The following QSOX2 variants were observed in gnomAD, a reference collection of about 807,000 sequenced individuals.
The protein encoded by QSOX2 is sulfhydryl oxidase 2.
In QSOX2, 46 loss-of-function variants were observed where a neutral mutation model predicts 61.7. That is an observed-to-expected ratio of 0.75 (90% CI 0.59 to 0.95). The LOEUF is 0.95. Among genes scored for constraint, QSOX2 ranks in the 40% least tolerant of loss-of-function variants. The pLI is 0.00. For missense variants in QSOX2, 879 were observed against 918.9 expected (o/e 0.96, Z 0.56); for synonymous variants, 383 against 388.4 (o/e 0.99, Z 0.16).
intron 1 of QSOX2, among the ~76,000 whole-genome samples, chr9:136,242,936 T>C (rs1208548223): frequency 6.6e-6 from 1 of 152,194 alleles, no homozygotes; most frequent in Non-Finnish European, 1.5e-5. Flanking sequence ...AACCCCCTCT[T>C]GGCCAAGGAG....
chr9:136,211,391 A>G lies in QSOX2; in HGVS notation c.1422T>C (p.Phe474=), dbSNP rs756275035. The change falls in exon 11 of 12, where the codon TTT becomes TTC. Residue 474 remains phenylalanine, a synonymous_variant. Coordinates refer to ENST00000358701, the MANE Select transcript of QSOX2 (RefSeq NM_181701.4). ...AGTGCTCACCACATTCCTTACACCCAAAGAAGGTGTGAACGTACCTCCTCA... is the reference window on the plus strand; with the variant it reads ...AGTGCTCACCACATTCCTTACACCCGAAGAAGGTGTGAACGTACCTCCTCA... ...QTMRRYVHTF[F]GCKECGEHFE... is the part of the protein sequence containing the mutation. 27 of 1,614,066 alleles carry G rather than the reference A, an allele frequency of 1.7e-5. No homozygotes were observed. The highest frequency in any genetic ancestry group is 2.2e-5 in the Non-Finnish European group (26 of 1,180,032).
chr9:136,230,580 C>T (rs1028164087), intron 1 of QSOX2, among the ~76,000 whole-genome samples: 6 of 152,234 alleles, frequency 3.9e-5, no homozygotes, highest in African/African-American at 7.2e-5. Flanking sequence ...ATCCTTATCA[C>T]GTCGGGCCAC....
intron 1 of QSOX2, among the ~76,000 whole-genome samples, chr9:136,236,856 G>A (rs1308732502): frequency 6.7e-6 from 1 of 148,314 alleles, no homozygotes; most frequent in East Asian, 2.0e-4. Flanking sequence ...CCTGGAGCCT[G>A]TCTTGTGCCA....
chr9:136,212,005 C>T (rs1055328183), intron 10 of QSOX2, among the ~76,000 whole-genome samples: 6 of 152,234 alleles, frequency 3.9e-5, no homozygotes, highest in African/African-American at 1.4e-4. Flanking sequence ...CTTAAGCTGC[C>T]GCCAGCCACG....
At chr9:136,212,626 A>C (rs1831860688) in intron 10 of QSOX2, among the ~76,000 whole-genome samples, 2 of 152,080 alleles carry the variant, frequency 1.3e-5, no homozygotes, top group South Asian at 4.2e-4. Flanking sequence ...TGGCCCTGTG[A>C]CCCGGCCCGT....
intron 8 of QSOX2, among the ~76,000 whole-genome samples, chr9:136,218,116 T>A (rs1432722315): frequency 3.3e-5 from 5 of 152,252 alleles, no homozygotes; most frequent in African/African-American, 1.2e-4. Context: ...CTCTTCAGCC[T>A]GACCCTGGGC....
intron 7 of QSOX2, 78 bp downstream of exon 7, chr9:136,218,952 T>A: frequency 6.3e-7 from 1 of 1,581,132 alleles, no homozygotes; most frequent in African/African-American, 1.3e-5. Flanking sequence ...GGTTTCTGAG[T>A]AAACCCGCCC....
At chr9:136,230,950 C>A (rs971508638) in intron 1 of QSOX2, among the ~76,000 whole-genome samples, 1 of 152,194 alleles carries the variant, frequency 6.6e-6, no homozygotes, top group Non-Finnish European at 1.5e-5. Flanking sequence ...CCATCTATTT[C>A]ACAATTTGAA....
intron 2 of QSOX2, among the ~76,000 whole-genome samples, 190 bp from the exon 3 acceptor site, chr9:136,225,099 G>C (rs529686352): frequency 2.0e-5 from 3 of 152,130 alleles, no homozygotes; most frequent in African/African-American, 7.2e-5. Context: ...TCAGATTTAC[G>C]AGGGGGCTAA....
At chr9:136,242,337 C>T (rs1830439439) in intron 1 of QSOX2, among the ~76,000 whole-genome samples, 1 of 152,284 alleles carries the variant, frequency 6.6e-6, no homozygotes, top group South Asian at 2.1e-4. Context: ...CCACACCTAA[C>T]CATCCTCTCC....
intron 11 of QSOX2, chr9:136,210,386 G>A: frequency 4.1e-6 from 4 of 985,474 alleles, no homozygotes; most frequent in Non-Finnish European, 4.8e-6. Flanking sequence ...GCACATGCGG[G>A]CTGGGGCCAC....
At position 136,223,134 on chromosome 9, in the gene QSOX2, C is replaced by T. The variant is rs993510343; in HGVS notation, c.675+629G>A. Among the ~76,000 whole-genome samples the T allele has an allele frequency of 6.6e-6, 1 of 152,208 alleles. No homozygotes were observed. Among genetic ancestry groups the T allele is most frequent in the African/African-American group, 2.4e-5 (1 of 41,450 alleles). On this transcript the variant is annotated intron_variant, in intron 5 of 11. Transcript: ENST00000358701. This position sits in a 1 kb window ranked among gnomAD's most constrained non-coding sequence, Gnocchi z 4.4. ...AGGCCCCTCACAGTGGACAGAAAAA[C>T]AGTCGCCTATCAAGTTGCAAGGAGG... is the stretch of plus-strand genomic sequence containing the variant.
chr9:136,226,234 C>T (rs940126751), intron 2 of QSOX2, among the ~76,000 whole-genome samples: 4 of 152,236 alleles, frequency 2.6e-5, no homozygotes, highest in Non-Finnish European at 5.9e-5. Flanking sequence ...GTGGCACCCG[C>T]AGGTACACAC....
Position 136,245,518 on chromosome 9 carries a change from C to G in QSOX2, c.286G>C (p.Gly96Arg). 1 of 1,594,214 alleles carries G rather than the reference C, an allele frequency of 6.3e-7. No individual in the cohort carries two copies. The highest frequency in any genetic ancestry group is 8.5e-7 in the Non-Finnish European group (1 of 1,177,494). Residue 96 changes from glycine to arginine, a missense_variant, in exon 1 of 12, where the codon GGC (glycine) becomes CGC (arginine). Physicochemically the swap from Gly to Arg is moderately radical, Grantham distance 125. Coordinates refer to ENST00000358701, the MANE Select transcript of QSOX2 (RefSeq NM_181701.4). The part of the protein sequence containing the change: ...FYSSWCGHCI[G>R]YAPTWRALAG... ...AGGGCCCGCCAAGTGGGCGCGTAGCCGATGCAGTGGCCACACCACGACGAG... is the reference window on the plus strand; with the variant it reads ...AGGGCCCGCCAAGTGGGCGCGTAGCGGATGCAGTGGCCACACCACGACGAG...
At chr9:136,225,397 T>C (rs1400010421) in intron 2 of QSOX2, among the ~76,000 whole-genome samples, 2 of 152,304 alleles carry the variant, frequency 1.3e-5, no homozygotes, top group South Asian at 2.1e-4. Context: ...CAAGGTTACA[T>C]GATGGCGGAG....
intron 1 of QSOX2, among the ~76,000 whole-genome samples, chr9:136,245,117 T>C (rs1830460461): frequency 6.6e-6 from 1 of 152,144 alleles, no homozygotes. Flanking sequence ...AATGAAGTTC[T>C]TGGGGCTCAA....
rs138285805 is a variant in QSOX2, at chr9:136,214,030, C to T, written c.1360+1124G>A. 5.3e-4 allele frequency among the ~76,000 whole-genome samples: 81 copies of T among 152,276 alleles called. 1 individual carries two copies. The East Asian group carries it at 0.012, about 22-fold the overall frequency. ...AGTTTGTTATGTGGCAAAAAATAAC[C>T]GTAAAGGAATTTGAGAATCTTACTG... On this transcript the variant is annotated intron_variant, in intron 10 of 11. Coordinates refer to ENST00000358701, the MANE Select transcript of QSOX2 (RefSeq NM_181701.4).
chr9:136,209,093 A>T lies in QSOX2; in HGVS notation c.1732T>A (p.Ser578Thr), dbSNP rs1461069873. Reference protein sequence around the residue: ...LDTYSADQGDSSEGGTLARGE... With the variant: ...LDTYSADQGDTSEGGTLARGE... ...CTGGCCAGGGTTCCTCCTTCACTGG[A>T]ATCCCCCTGGTCTGCGGAATACGTG... The change falls in exon 12 of 12, where the codon TCC becomes ACC. Residue 578 changes from serine (S) to threonine (T), a missense_variant. Transcript: ENST00000358701. The surrounding 1 kb of genome is among the most constrained non-coding windows in gnomAD (Gnocchi z 5.6). 5.0e-6 allele frequency: 8 copies of T among 1,613,916 alleles called. No homozygotes were observed. The highest frequency in any genetic ancestry group is 6.8e-6 in the Non-Finnish European group (8 of 1,179,992).
At chr9:136,233,435 A>G (rs925894312) in intron 1 of QSOX2, among the ~76,000 whole-genome samples, 8 of 152,206 alleles carry the variant, frequency 5.3e-5, no homozygotes, top group African/African-American at 1.9e-4. Context: ...TTTAGGGCTC[A>G]TTACACAGTC....
Sources: gnomAD v4.1 joint callset for allele counts (sites outside exome capture counted in the v4.1 genomes callset) on GRCh38, gnomAD v4.1.1 for gene constraint, Gnocchi (gnomAD v3.1) non-coding constraint, MANE v1.5 for transcripts, NCBI Gene and HGNC (gene_info 2026-07-23, HGNC 2026-07-21) for gene names.